Variants in DIP2C observed in about 807,000 individuals in gnomAD.
DIP2C encodes disco-interacting protein 2 homolog C.
In DIP2C, 33 loss-of-function variants were observed where a neutral mutation model predicts 192.4. The observed-to-expected ratio is 0.17, with a 90% CI of 0.13 to 0.23. DIP2C has a LOEUF of 0.23. Ranked by LOEUF, DIP2C falls within the 10% of genes least tolerant of loss-of-function variation. DIP2C has a pLI of 1.00. For synonymous variants in DIP2C, 979 were observed against 864.1 expected, an observed-to-expected ratio of 1.13 and a Z score of -2.33; for missense variants, 1,537 against 2,110.1, an observed-to-expected ratio of 0.73 and a Z score of 5.32.
chr10:340,769 G>C (rs758902506), intron 29 of DIP2C: 5 of 457,808 alleles, frequency 1.1e-5, no homozygotes, highest in South Asian at 7.7e-5. Flanking sequence ...CTCAGCCCTC[G>C]TGGACTCACC....
intron 31 of DIP2C, among the ~76,000 whole-genome samples, chr10:314,721 G>A (rs964507129): frequency 6.6e-6 from 1 of 152,218 alleles, no homozygotes; most frequent in African/African-American, 2.4e-5. Context: ...CTGGAGTCTA[G>A]CAAGTCCCAG....
intron 1 of DIP2C, among the ~76,000 whole-genome samples, chr10:532,779 G>A (rs1011533476): frequency 6.6e-6 from 1 of 150,964 alleles, no homozygotes; most frequent in Non-Finnish European, 1.5e-5. Flanking sequence ...GGGTGTGTGA[G>A]AGAGTATGGG....
intron 32 of DIP2C, among the ~76,000 whole-genome samples, chr10:289,381 A>G (rs1955358263): frequency 6.6e-6 from 1 of 151,770 alleles, no homozygotes. Flanking sequence ...CAATCCTCCC[A>G]CCTCAGCCTC....
chr10:686,020 C>A (rs1175633363), intron 1 of DIP2C, among the ~76,000 whole-genome samples: 1 of 152,104 alleles, frequency 6.6e-6, no homozygotes, highest in African/African-American at 2.4e-5. Context: ...TGCTTCCACT[C>A]CAATTTGTTT....
At chr10:604,962 G>T (rs958943059) in intron 1 of DIP2C, among the ~76,000 whole-genome samples, 1 of 152,152 alleles carries the variant, frequency 6.6e-6, no homozygotes, top group African/African-American at 2.4e-5. Flanking sequence ...CCAAGGGTGC[G>T]GGGAAAAGGC....
intron 1 of DIP2C, among the ~76,000 whole-genome samples, chr10:537,761 C>T (rs1211150496): frequency 6.6e-6 from 1 of 152,114 alleles, no homozygotes; most frequent in Non-Finnish European, 1.5e-5. Context: ...TGGGGTCTCC[C>T]TAAATATCGA....
chr10:373,450 G>T (rs1961221834), intron 17 of DIP2C, among the ~76,000 whole-genome samples: 1 of 152,204 alleles, frequency 6.6e-6, no homozygotes, highest in African/African-American at 2.4e-5. Context: ...GAATCAAGAT[G>T]ATGCTTATTC....
At chr10:286,948 A>G (rs1387280203) in intron 33 of DIP2C, among the ~76,000 whole-genome samples, 1 of 152,182 alleles carries the variant, frequency 6.6e-6, no homozygotes, top group Non-Finnish European at 1.5e-5. Context: ...GAAGGGAAAG[A>G]TTGTGGGTCA....
intron 31 of DIP2C, among the ~76,000 whole-genome samples, chr10:317,335 C>G (rs10903945): frequency 0.38 from 58,283 of 152,138 alleles, 12,932 homozygotes; most frequent in Non-Finnish European, 0.51. Context: ...GCAATGCCTG[C>G]TCATTTACAT....
intron 7 of DIP2C, among the ~76,000 whole-genome samples, chr10:414,742 CA>C (rs1564680017): frequency 0.039 from 4,350 of 112,442 alleles, 293 homozygotes; most frequent in South Asian, 0.096. Flanking sequence ...TGTGTGTGTA[CA>C]TATATATATA....
At chr10:633,887 C>T (rs973372298) in intron 1 of DIP2C, among the ~76,000 whole-genome samples, 2 of 152,194 alleles carry the variant, frequency 1.3e-5, no homozygotes, top group African/African-American at 2.4e-5. Flanking sequence ...TGAATAAATG[C>T]AGGAAAATGC....
At chr10:451,958 C>T (rs1399597235) in intron 3 of DIP2C, among the ~76,000 whole-genome samples, 1 of 152,174 alleles carries the variant, frequency 6.6e-6, no homozygotes, top group Admixed American at 6.5e-5. Flanking sequence ...CAGAAGAATA[C>T]TTCTGCCCAC....
At chr10:655,511 C>T (rs1387369053) in intron 1 of DIP2C, among the ~76,000 whole-genome samples, 2 of 152,144 alleles carry the variant, frequency 1.3e-5, no homozygotes, top group Non-Finnish European at 2.9e-5. Context: ...TACTCACTGT[C>T]CTCTCTGTTC....
At chr10:448,209 C>G (rs1968465134) in intron 3 of DIP2C, among the ~76,000 whole-genome samples, 1 of 130,722 alleles carries the variant, frequency 7.6e-6, no homozygotes, top group Non-Finnish European at 1.5e-5. Flanking sequence ...GCAGCAGGAC[C>G]CACTCATTCC....
intron 1 of DIP2C, among the ~76,000 whole-genome samples, chr10:659,938 G>C (rs1200003644): frequency 6.6e-6 from 1 of 152,172 alleles, no homozygotes; most frequent in East Asian, 1.9e-4. Flanking sequence ...CAAAATGGAA[G>C]GCAAAGAAAC....
rs554739102 is a variant in DIP2C, at chr10:378,449, G to A, written c.1991+4198C>T. On this transcript the variant is annotated intron_variant, in intron 17 of 36. Coordinates refer to ENST00000280886, the MANE Select transcript of DIP2C (RefSeq NM_014974.3). The stretch of plus-strand genomic sequence containing the variant: ...CATGAACAGGCATGCATAAAGACAC[G>A]TGAACACAAACATGCCTAGACAAAG... 8.1e-4 allele frequency among the ~76,000 whole-genome samples: 123 copies of A among 152,214 alleles called. 1 individual carries two copies. Among genetic ancestry groups the A allele is most frequent in the African/African-American group, 2.6e-3 (109 of 41,502 alleles).
intron 3 of DIP2C, among the ~76,000 whole-genome samples, chr10:448,663 C>CT (rs1968554550): frequency 7.1e-6 from 1 of 140,054 alleles, no homozygotes; most frequent in African/African-American, 2.8e-5. Context: ...GCAGGACCCA[C>CT]TCACCCCTGT....
chr10:350,275 T>G (rs1188362112), intron 24 of DIP2C, among the ~76,000 whole-genome samples: 2 of 152,176 alleles, frequency 1.3e-5, no homozygotes, highest in Non-Finnish European at 2.9e-5. Flanking sequence ...CTCATAGAGA[T>G]GGGGTCTCCC....
At chr10:683,994 G>A (rs1831224950) in intron 1 of DIP2C, among the ~76,000 whole-genome samples, 1 of 152,258 alleles carries the variant, frequency 6.6e-6, no homozygotes, top group African/African-American at 2.4e-5. Flanking sequence ...CTCTCAGGAG[G>A]CTGAGCGGGA....
Sources: allele counts gnomAD v4.1 joint callset (sites outside exome capture counted in the v4.1 genomes callset), GRCh38; gene constraint gnomAD v4.1.1; transcripts MANE v1.5; gene names NCBI Gene and HGNC (gene_info 2026-07-23, HGNC 2026-07-21).